The following SYT1 variants were observed in gnomAD, a reference collection of about 807,000 sequenced individuals.
The protein encoded by SYT1 is synaptotagmin-1.
A neutral mutation model predicts 44.8 loss-of-function variants in SYT1; 8 were observed. The observed-to-expected ratio is 0.18, with a 90% CI of 0.10 to 0.32. The LOEUF is 0.32. Among genes scored for constraint, SYT1 ranks in the 10% least tolerant of loss-of-function variants. The probability of loss-of-function intolerance (pLI) is 1.00; values close to 1 mark genes in which losing one functional copy is unlikely to be tolerated. For synonymous variants in SYT1, 154 were observed against 188.8 expected, an observed-to-expected ratio of 0.82 and a Z score of 1.51; for missense variants, 286 against 509.3, an observed-to-expected ratio of 0.56 and a Z score of 4.22.
intron 3 of SYT1, among the ~76,000 whole-genome samples, chr12:79,155,833 T>A (rs1870561205): frequency 6.6e-6 from 1 of 152,188 alleles, no homozygotes. Flanking sequence ...CTCTCTTGTG[T>A]ATTTCCTCTT....
chr12:79,310,402 C>T (rs1880714006), intron 8 of SYT1, among the ~76,000 whole-genome samples: 1 of 151,994 alleles, frequency 6.6e-6, no homozygotes, highest in African/African-American at 2.4e-5. Context: ...CAGTACCATG[C>T]TGTTTTGGTT....
intron 1 of SYT1, among the ~76,000 whole-genome samples, chr12:78,880,676 T>C (rs1874406192): frequency 6.6e-6 from 1 of 151,586 alleles, no homozygotes; most frequent in Non-Finnish European, 1.5e-5. Flanking sequence ...AATTTACCAG[T>C]CTTAACAATT....
intron 9 of SYT1, among the ~76,000 whole-genome samples, chr12:79,418,906 C>A (rs1868922359): frequency 6.6e-6 from 1 of 152,062 alleles, no homozygotes; most frequent in Non-Finnish European, 1.5e-5. Context: ...ACACCTGAGG[C>A]CCCACCCCAG....
intron 4 of SYT1, among the ~76,000 whole-genome samples, chr12:79,252,116 GCTACACGGC>G (rs1466366916): frequency 6.6e-6 from 1 of 152,034 alleles, no homozygotes; most frequent in Non-Finnish European, 1.5e-5. Flanking sequence ...AGATTTCACA[GCTACACGGC>G]CTAAGTTTAG....
At chr12:78,968,376 T>A (rs1868298326) in intron 1 of SYT1, among the ~76,000 whole-genome samples, 1 of 152,082 alleles carries the variant, frequency 6.6e-6, no homozygotes, top group Non-Finnish European at 1.5e-5. Flanking sequence ...TACACCCCTC[T>A]AGCCCCCACC....
chr12:79,071,867 T>A (rs2137903325), intron 3 of SYT1, among the ~76,000 whole-genome samples: 1 of 152,230 alleles, frequency 6.6e-6, no homozygotes, highest in Middle Eastern at 3.4e-3. Context: ...AGACCCTATT[T>A]CCACATAAAG....
chr12:79,312,836 A>G (rs1394488160), intron 8 of SYT1, among the ~76,000 whole-genome samples: 1 of 149,880 alleles, frequency 6.7e-6, no homozygotes, highest in East Asian at 1.9e-4. Context: ...TCTTCTAAGA[A>G]AGGCCATTTT....
At chr12:78,876,672 CAT>C (rs1029645193) in intron 1 of SYT1, among the ~76,000 whole-genome samples, 10 of 106,744 alleles carry the variant, frequency 9.4e-5, no homozygotes, top group African/African-American at 4.2e-4. Flanking sequence ...CACATGTGTA[CAT>C]GTGTGTATAT....
chr12:79,155,914 C>G (rs1456788630), intron 3 of SYT1, among the ~76,000 whole-genome samples: 2 of 152,176 alleles, frequency 1.3e-5, no homozygotes, highest in Admixed American at 6.5e-5. Flanking sequence ...TACATAACCT[C>G]AGTGGATAAC....
At chr12:79,122,055 T>C (rs1006902537) in intron 3 of SYT1, among the ~76,000 whole-genome samples, 1 of 152,246 alleles carries the variant, frequency 6.6e-6, no homozygotes, top group African/African-American at 2.4e-5. Context: ...GTAGATGTCT[T>C]CTGTTTATCA....
chr12:79,027,279 C>G (rs1233311964), intron 2 of SYT1, among the ~76,000 whole-genome samples: 3 of 151,468 alleles, frequency 2.0e-5, no homozygotes, highest in Non-Finnish European at 4.4e-5. Context: ...GCTCTCCTCC[C>G]TGTCTCCTGC....
chr12:78,873,771 G>A (rs1182447035), intron 1 of SYT1, among the ~76,000 whole-genome samples: 1 of 151,524 alleles, frequency 6.6e-6, no homozygotes, highest in East Asian at 1.9e-4. Context: ...TCTATTCCAA[G>A]GTAGAATGGT....
At chr12:79,410,506 C>CAAAAAAAAAA (rs5799432) in intron 9 of SYT1, among the ~76,000 whole-genome samples, 5 of 75,916 alleles carry the variant, frequency 6.6e-5, no homozygotes, top group Non-Finnish European at 9.6e-5. Flanking sequence ...TGTTCAAAGT[C>CAAAAAAAAAA]AAAAAAAAAA....
rs187694588 is a variant in SYT1 at position 79,382,655 on chromosome 12, G to A, written c.928+29036G>A. On this transcript the variant is annotated intron_variant, in intron 9 of 10. Transcript: ENST00000261205. ...GTACACGTACTGCCCTTCTTGAAAT[G>A]ATCCATCTTATTAAATGATGTGGTT... is the stretch of plus-strand genomic sequence containing the variant. 2.5e-4 allele frequency among the ~76,000 whole-genome samples: 38 copies of A among 152,320 alleles called. 1 individual carries two copies. Among genetic ancestry groups the A allele is most frequent in the East Asian group, 1.3e-3 (7 of 5,188 alleles).
At chr12:79,149,494 T>G (rs143108563) in intron 3 of SYT1, among the ~76,000 whole-genome samples, 23 of 152,194 alleles carry the variant, frequency 1.5e-4, no homozygotes, top group Non-Finnish European at 8.8e-5. Flanking sequence ...AAATTATCCC[T>G]AACAATGTTT....
chr12:79,096,819 C>A (rs1239369733), intron 3 of SYT1, among the ~76,000 whole-genome samples: 1 of 151,872 alleles, frequency 6.6e-6, no homozygotes, highest in Admixed American at 6.6e-5. Context: ...AAATTTAGTA[C>A]CCAGTTGAGA....
At chr12:79,087,226 C>T (rs547141508) in intron 3 of SYT1, among the ~76,000 whole-genome samples, 1 of 152,040 alleles carries the variant, frequency 6.6e-6, no homozygotes, top group Admixed American at 6.6e-5. Flanking sequence ...CTGTGACTTT[C>T]ATTGCAAATG....
chr12:79,278,423 A>G (rs1475121393), intron 4 of SYT1, among the ~76,000 whole-genome samples: 1 of 151,804 alleles, frequency 6.6e-6, no homozygotes, highest in Non-Finnish European at 1.5e-5. Context: ...CTTTGGGTCA[A>G]TGATGAAATT....
At chr12:78,946,879 C>A (rs1878689756) in intron 1 of SYT1, among the ~76,000 whole-genome samples, 1 of 152,026 alleles carries the variant, frequency 6.6e-6, no homozygotes, top group African/African-American at 2.4e-5. Context: ...ATGTTTTTAG[C>A]TAAAATATCC....
Sources: gnomAD v4.1 joint callset for allele counts (sites outside exome capture counted in the v4.1 genomes callset) on GRCh38, gnomAD v4.1.1 for gene constraint, MANE v1.5 for transcripts, NCBI Gene and HGNC (gene_info 2026-07-23, HGNC 2026-07-21) for gene names.